FAM184B: variants seen among roughly 807,000 people sequenced by gnomAD.
FAM184B encodes protein FAM184B.
FAM184B carries 111 observed loss-of-function variants against 135.9 expected under a neutral mutation model. That is an observed-to-expected ratio of 0.82 (90% CI 0.70 to 0.96). The LOEUF (loss-of-function observed/expected upper bound fraction) is 0.96, where lower values mean the gene tolerates loss of function less well. Ranked by LOEUF, FAM184B falls within the 40% of genes least tolerant of loss-of-function variation. The pLI is 0.00. For missense variants in FAM184B, 1,375 were observed against 1,323.9 expected (o/e 1.04, Z -0.60); for synonymous variants, 552 against 524.8 (o/e 1.05, Z -0.71).
At chr4:17,688,680 CT>C (rs34337003) in intron 6 of FAM184B, 149 bp from the exon 7 acceptor site, 5,725 of 117,374 alleles carry the variant, frequency 0.049, 9 homozygotes, top group South Asian at 0.11. Flanking sequence ...CTAGAAATGC[CT>C]TTTTTTTTTT....
At chr4:17,740,890 C>T (rs1277578891) in intron 1 of FAM184B, among the ~76,000 whole-genome samples, 1 of 152,068 alleles carries the variant, frequency 6.6e-6, no homozygotes, top group Admixed American at 6.6e-5. Context: ...ATAACCTTGC[C>T]GTCTCTTTGT....
chr4:17,636,808 C>T (rs958961933), intron 14 of FAM184B, among the ~76,000 whole-genome samples, 163 bp from the exon 15 acceptor site: 3 of 152,092 alleles, frequency 2.0e-5, no homozygotes, highest in African/African-American at 4.8e-5. Flanking sequence ...GATGGCTTGC[C>T]GAACCCAGGA....
Position 17,698,871 on chromosome 4 carries a change from A to G in FAM184B, c.1378-5459T>C, listed in dbSNP as rs1325328072. Among the ~76,000 whole-genome samples, 11 of 152,204 alleles carry G rather than the reference A, an allele frequency of 7.2e-5. No individual in the cohort carries two copies. The East Asian group carries it at 2.1e-3, about 29-fold the overall frequency. On this transcript the variant is annotated intron_variant, in intron 5 of 17. Coordinates refer to ENST00000265018, the MANE Select transcript of FAM184B (RefSeq NM_015688.2). The stretch of plus-strand genomic sequence containing the variant: ...GACAACAAAAACTAGATGTTCAACA[A>G]CTTAACATTCTCAATGTCCAGCATT...
chr4:17,765,462 G>T (rs1440603680), intron 1 of FAM184B, among the ~76,000 whole-genome samples: 2 of 152,046 alleles, frequency 1.3e-5, no homozygotes, highest in Non-Finnish European at 2.9e-5. Flanking sequence ...ATCAACAAAG[G>T]TGGCTCACAA....
At chr4:17,633,522 T>C in intron 17 of FAM184B, 167 bp downstream of exon 17, 1 of 585,364 alleles carries the variant, frequency 1.7e-6, no homozygotes, top group Non-Finnish European at 2.9e-6. Context: ...CCACCTTTTG[T>C]ATAACCCATG....
At chr4:17,658,644 T>C in intron 9 of FAM184B, 82 bp from the exon 10 acceptor site, 1 of 1,324,358 alleles carries the variant, frequency 7.6e-7, no homozygotes, top group Non-Finnish European at 1.0e-6. Flanking sequence ...TTTCTAAATG[T>C]TACCTCCATG....
intron 3 of FAM184B, 119 bp downstream of exon 3, chr4:17,707,530 G>T: frequency 7.4e-7 from 1 of 1,358,300 alleles, no homozygotes; most frequent in Non-Finnish European, 1.0e-6. Context: ...AGGCAGGTCA[G>T]ATCAAGCAGC....
chr4:17,647,864 T>A, intron 11 of FAM184B, 73 bp from the exon 12 acceptor site: 2 of 1,458,302 alleles, frequency 1.4e-6, no homozygotes, highest in Non-Finnish European at 9.2e-7. Context: ...GACAACAGTC[T>A]CTGGGGTGGG....
intron 1 of FAM184B, among the ~76,000 whole-genome samples, chr4:17,739,392 C>T (rs1717974604): frequency 6.6e-6 from 1 of 152,000 alleles, no homozygotes; most frequent in South Asian, 2.1e-4. Context: ...CCGCTTGTGA[C>T]ACCTACACAA....
chr4:17,779,933 T>C (rs1577300498), intron 1 of FAM184B, among the ~76,000 whole-genome samples: 1 of 152,232 alleles, frequency 6.6e-6, no homozygotes, highest in South Asian at 2.1e-4. Context: ...CATGTTTTGG[T>C]TGATGTCACT....
At chr4:17,673,841 C>CA (rs71167323) in intron 7 of FAM184B, among the ~76,000 whole-genome samples, 141,690 of 152,086 alleles carry the variant, frequency 0.93, 66,479 homozygotes, top group Non-Finnish European at 1. Context: ...ATCGGTGTAC[C>CA]AAATCTCATA....
chr4:17,661,299 C>T (rs1161874381), intron 8 of FAM184B, among the ~76,000 whole-genome samples: 1 of 152,150 alleles, frequency 6.6e-6, no homozygotes, highest in East Asian at 1.9e-4. Context: ...GCCTGTAATC[C>T]CAGCACTTTG....
chr4:17,706,237 A>C (rs1717116206), intron 3 of FAM184B, among the ~76,000 whole-genome samples: 1 of 152,220 alleles, frequency 6.6e-6, no homozygotes, highest in African/African-American at 2.4e-5. Flanking sequence ...ATTTAATATA[A>C]GCAGAATGAC....
At position 17,631,503 on chromosome 4, in the gene FAM184B, C is replaced by A. The variant is rs1410786055; in HGVS notation, c.*1029G>T. On this transcript the variant is annotated 3_prime_UTR_variant, in exon 18 of 18. Coordinates refer to ENST00000265018, the MANE Select transcript of FAM184B (RefSeq NM_015688.2). The stretch of plus-strand genomic sequence containing the variant: ...CTTCAAAGAACAGATAATCTAGAGA[C>A]CTTCACAAGTGATCATGTTGGCACT... 6.6e-6 allele frequency: 1 copy of A among 152,176 alleles called. No individual in the cohort carries two copies. The highest frequency in any genetic ancestry group is 2.4e-5 in the African/African-American group (1 of 41,430). 9.4% of individuals were successfully genotyped at this position (152,176 alleles called of 1,614,324 possible). A position where few individuals can be genotyped will look rare whatever the true frequency, so the allele number is the denominator to read the frequency against.
chr4:17,713,320 C>T (rs1717328538), intron 1 of FAM184B, among the ~76,000 whole-genome samples: 1 of 152,164 alleles, frequency 6.6e-6, no homozygotes, highest in Non-Finnish European at 1.5e-5. Context: ...CTGTCATGGA[C>T]AGGAGAAGGA....
At chr4:17,697,825 T>C (rs925997324) in intron 5 of FAM184B, among the ~76,000 whole-genome samples, 7 of 152,202 alleles carry the variant, frequency 4.6e-5, no homozygotes, top group African/African-American at 1.7e-4. Context: ...AATCATAGCT[T>C]CAGCTGTAAC....
intron 6 of FAM184B, among the ~76,000 whole-genome samples, chr4:17,688,987 C>G (rs1040240469): frequency 4.1e-4 from 62 of 152,282 alleles, no homozygotes; most frequent in African/African-American, 1.3e-3. Flanking sequence ...GCCACTGTGC[C>G]CGGCCTAGAA....
chr4:17,640,903 A>G (rs532562291), intron 13 of FAM184B, among the ~76,000 whole-genome samples: 5 of 152,250 alleles, frequency 3.3e-5, no homozygotes, highest in African/African-American at 9.6e-5. Flanking sequence ...ATTGCACTCT[A>G]CAACAGCCCT....
chr4:17,641,266 C>T (rs1335725579), intron 13 of FAM184B, among the ~76,000 whole-genome samples: 2 of 151,904 alleles, frequency 1.3e-5, no homozygotes, highest in East Asian at 3.9e-4. Flanking sequence ...TTACAGAGGA[C>T]TCAGTCTGGG....
Sources: allele counts gnomAD v4.1 joint callset (sites outside exome capture counted in the v4.1 genomes callset), GRCh38; gene constraint gnomAD v4.1.1; transcripts MANE v1.5; gene names NCBI Gene and HGNC (gene_info 2026-07-23, HGNC 2026-07-21).